The following GRM8 variants were observed in gnomAD, a reference collection of about 807,000 sequenced individuals.
GRM8 encodes metabotropic glutamate receptor 8.
Under a neutral mutation model 87.2 loss-of-function variants are expected in GRM8, and 47 were observed. That is an observed-to-expected ratio of 0.54 (90% CI 0.43 to 0.69). GRM8 has a LOEUF of 0.69. Ranked by LOEUF, GRM8 falls within the 30% of genes least tolerant of loss-of-function variation. The probability of loss-of-function intolerance (pLI) is 0.00; values close to 1 mark genes in which losing one functional copy is unlikely to be tolerated. For synonymous variants in GRM8, 396 were observed against 404.5 expected, an observed-to-expected ratio of 0.98 and a Z score of 0.25; for missense variants, 1,019 against 1,139.2, an observed-to-expected ratio of 0.89 and a Z score of 1.52.
intron 9 of GRM8, among the ~76,000 whole-genome samples, chr7:126,483,752 C>CCTCT (rs1807019849): frequency 2.2e-5 from 1 of 45,192 alleles, no homozygotes; most frequent in African/African-American, 8.0e-5. Flanking sequence ...TCCCTCCCTC[C>CCTCT]CTCCCTCCCT....
intron 3 of GRM8, among the ~76,000 whole-genome samples, chr7:127,053,184 C>T (rs1203508831): frequency 6.6e-6 from 1 of 152,118 alleles, no homozygotes; most frequent in Non-Finnish European, 1.5e-5. Context: ...GGTTTTAGCT[C>T]TAAAATTCAC....
intron 2 of GRM8, among the ~76,000 whole-genome samples, chr7:127,132,466 G>A (rs1302552347): frequency 1.3e-5 from 2 of 151,558 alleles, no homozygotes; most frequent in Non-Finnish European, 2.9e-5. Flanking sequence ...ATGCCATTCT[G>A]CTCAGTGCTA....
intron 8 of GRM8, among the ~76,000 whole-genome samples, chr7:126,563,894 G>C (rs1365094605): frequency 6.6e-6 from 1 of 152,208 alleles, no homozygotes; most frequent in African/African-American, 2.4e-5. Flanking sequence ...CATTAACAGA[G>C]AAAGTGCTTA....
chr7:126,761,995 T>C (rs545960527), intron 7 of GRM8, among the ~76,000 whole-genome samples: 1 of 152,284 alleles, frequency 6.6e-6, no homozygotes, highest in Admixed American at 6.5e-5. Context: ...ATATCACTTA[T>C]CAAATTGAAT....
rs192391123 is a variant in GRM8, at chr7:127,137,203, A to G, written c.511-30491T>C. Among the ~76,000 whole-genome samples, 191 of 151,986 alleles carry G rather than the reference A, an allele frequency of 1.3e-3. 2 individuals carry two copies. Among genetic ancestry groups the G allele is most frequent in the African/African-American group, 4.3e-3 (180 of 41,478 alleles). ...GGAGTTGGAGTTTATACACATACAC[A>G]TGCATAAACATACACATACACACAC... On this transcript the variant is annotated intron_variant, in intron 2 of 10. Transcript: ENST00000339582.
chr7:126,617,415 A>G (rs373415984), intron 7 of GRM8, among the ~76,000 whole-genome samples: 1 of 152,230 alleles, frequency 6.6e-6, no homozygotes, highest in Non-Finnish European at 1.5e-5. Flanking sequence ...CCCACAGCCA[A>G]TATCATACTG....
At chr7:126,918,407 C>T (rs2131342728) in intron 3 of GRM8, among the ~76,000 whole-genome samples, 1 of 151,872 alleles carries the variant, frequency 6.6e-6, no homozygotes, top group East Asian at 1.9e-4. Context: ...GCTTTATGTA[C>T]AAAAGGAGAT....
intron 6 of GRM8, among the ~76,000 whole-genome samples, chr7:126,864,694 A>G (rs1798444060): frequency 6.6e-6 from 1 of 151,916 alleles, no homozygotes; most frequent in Non-Finnish European, 1.5e-5. Context: ...TCTAGACTTG[A>G]TTATTTGCTG....
intron 6 of GRM8, among the ~76,000 whole-genome samples, chr7:126,889,534 T>G (rs181953875): frequency 7.6e-4 from 116 of 152,226 alleles, no homozygotes; most frequent in African/African-American, 2.3e-3. Flanking sequence ...CTAGAGGGCA[T>G]GTTGTTAAAG....
intron 7 of GRM8, among the ~76,000 whole-genome samples, chr7:126,729,049 T>G (rs766847784): frequency 6.6e-6 from 1 of 152,096 alleles, no homozygotes; most frequent in African/African-American, 2.4e-5. Flanking sequence ...CACCCTGCCA[T>G]AAAGGCTTCA....
At chr7:126,771,726 G>A (rs565545094) in intron 6 of GRM8, among the ~76,000 whole-genome samples, 14 of 152,010 alleles carry the variant, frequency 9.2e-5, no homozygotes, top group South Asian at 2.1e-4. Context: ...ATATCTCTAC[G>A]TAGTCTGCTG....
At chr7:126,680,698 GCTGA>G (rs1232912622) in intron 7 of GRM8, among the ~76,000 whole-genome samples, 3 of 152,150 alleles carry the variant, frequency 2.0e-5, no homozygotes, top group African/African-American at 4.8e-5. Flanking sequence ...CTGGTGCACT[GCTGA>G]CTAACATTAT....
At chr7:126,708,817 C>T (rs1489105288) in intron 7 of GRM8, among the ~76,000 whole-genome samples, 6 of 151,838 alleles carry the variant, frequency 4.0e-5, no homozygotes, top group Non-Finnish European at 5.9e-5. Flanking sequence ...ACTTGGGAAA[C>T]GAAGGATGTG....
intron 2 of GRM8, among the ~76,000 whole-genome samples, chr7:127,127,064 C>A (rs17867218): frequency 0.013 from 1,973 of 152,066 alleles, 34 homozygotes; most frequent in African/African-American, 0.044. Flanking sequence ...TAGAAACTGA[C>A]AATACCAAGT....
chr7:126,524,674 T>G (rs1474122637), intron 9 of GRM8, among the ~76,000 whole-genome samples: 1 of 152,140 alleles, frequency 6.6e-6, no homozygotes, highest in Non-Finnish European at 1.5e-5. Context: ...CAACATGTCT[T>G]AATTTTTCCT....
chr7:126,895,457 T>C (rs996462406), intron 6 of GRM8, among the ~76,000 whole-genome samples: 1 of 152,106 alleles, frequency 6.6e-6, no homozygotes, highest in Non-Finnish European at 1.5e-5. Context: ...CCTCCAGAGT[T>C]ACAAAATCAA....
At chr7:126,615,712 G>A (rs1410084544) in intron 7 of GRM8, among the ~76,000 whole-genome samples, 66 of 151,930 alleles carry the variant, frequency 4.3e-4, no homozygotes, top group Non-Finnish European at 6.9e-4. Flanking sequence ...AAAAAAAGGC[G>A]GGGGTTGCAA....
chr7:126,813,860 T>A (rs1793524909), intron 6 of GRM8, among the ~76,000 whole-genome samples: 1 of 152,100 alleles, frequency 6.6e-6, no homozygotes, highest in Admixed American at 6.6e-5. Flanking sequence ...AGGCTCATGT[T>A]TTATGGGAGC....
intron 8 of GRM8, among the ~76,000 whole-genome samples, chr7:126,556,337 TAAAA>T (rs3038820): frequency 1.8e-5 from 2 of 111,314 alleles, no homozygotes; most frequent in Admixed American, 1.0e-4. Context: ...TTCTCCTCTT[TAAAA>T]AAAAAAAAAA....
Sources: gnomAD v4.1 joint callset for allele counts (sites outside exome capture counted in the v4.1 genomes callset) on GRCh38, gnomAD v4.1.1 for gene constraint, MANE v1.5 for transcripts, NCBI Gene and HGNC (gene_info 2026-07-23, HGNC 2026-07-21) for gene names.